Variants in ADGRV1 observed in about 807,000 individuals in gnomAD.
ADGRV1 encodes G-protein coupled receptor 98.
A neutral mutation model predicts 596.2 loss-of-function variants in ADGRV1; 359 were observed. That is an observed-to-expected ratio of 0.60 (90% confidence interval 0.55 to 0.66). ADGRV1 has a LOEUF of 0.66. Ranked by LOEUF, ADGRV1 falls within the 30% of genes least tolerant of loss-of-function variation. The pLI is 0.00. For missense variants in ADGRV1, 7,274 were observed against 7,575.6 expected, an observed-to-expected ratio of 0.96 and a Z score of 1.48; for synonymous variants, 2,681 against 2,679.2, an observed-to-expected ratio of 1.00 and a Z score of -0.02.
chr5:90,989,895 C>T (rs1780823395), intron 85 of ADGRV1, among the ~76,000 whole-genome samples: 1 of 152,194 alleles, frequency 6.6e-6, no homozygotes, highest in Admixed American at 6.5e-5. Context: ...CAGCTCACTG[C>T]AACCTCCGCC....
chr5:91,132,247 A>G (rs1248199994), intron 87 of ADGRV1, among the ~76,000 whole-genome samples: 1 of 152,162 alleles, frequency 6.6e-6, no homozygotes, highest in Non-Finnish European at 1.5e-5. Flanking sequence ...ATTTATTTTA[A>G]CTATTTATAT....
At chr5:90,644,062 C>A (rs1384152618) in intron 14 of ADGRV1, 79 bp downstream of exon 14, 1 of 973,776 alleles carries the variant, frequency 1.0e-6, no homozygotes, top group African/African-American at 1.7e-5. Context: ...TCTTTAGTAA[C>A]TAGTTATTTC....
chr5:90,997,892 T>C (rs1309139534), intron 85 of ADGRV1, among the ~76,000 whole-genome samples: 1 of 152,138 alleles, frequency 6.6e-6, no homozygotes, highest in African/African-American at 2.4e-5. Flanking sequence ...GGAAAATGCA[T>C]GTACAGTACC....
intron 83 of ADGRV1, among the ~76,000 whole-genome samples, chr5:90,950,086 C>A (rs1776931092): frequency 6.6e-6 from 1 of 152,104 alleles, no homozygotes; most frequent in Non-Finnish European, 1.5e-5. Flanking sequence ...GTACCCATTT[C>A]AATGAAAAAT....
intron 83 of ADGRV1, among the ~76,000 whole-genome samples, chr5:90,958,168 C>G (rs1371789512): frequency 6.6e-6 from 1 of 150,586 alleles, no homozygotes. Flanking sequence ...CTGTAGTCCC[C>G]AGCTACTTCT....
chr5:90,636,014 C>G (rs1766152308), intron 10 of ADGRV1, among the ~76,000 whole-genome samples: 1 of 151,514 alleles, frequency 6.6e-6, no homozygotes, highest in South Asian at 2.1e-4. Flanking sequence ...CAGGTTGGGC[C>G]TTATGCTTGA....
intron 1 of ADGRV1, among the ~76,000 whole-genome samples, chr5:90,611,844 A>C (rs1398713610): frequency 4.6e-5 from 7 of 151,932 alleles, no homozygotes; most frequent in African/African-American, 4.8e-5. Flanking sequence ...AGTGTGATAG[A>C]GGAAAGTGTA....
intron 1 of ADGRV1, among the ~76,000 whole-genome samples, chr5:90,605,492 T>C (rs1762006793): frequency 6.6e-6 from 1 of 152,156 alleles, no homozygotes; most frequent in South Asian, 2.1e-4. Context: ...GTTTCTGTTA[T>C]GTAAAATGTT....
intron 85 of ADGRV1, among the ~76,000 whole-genome samples, chr5:91,007,351 G>A (rs1211544322): frequency 6.6e-6 from 1 of 152,076 alleles, no homozygotes; most frequent in African/African-American, 2.4e-5. Context: ...TACTCATAGT[G>A]TAGCCTTCAG....
intron 83 of ADGRV1, among the ~76,000 whole-genome samples, chr5:90,941,624 C>G (rs1189811103): frequency 6.6e-6 from 1 of 152,192 alleles, no homozygotes; most frequent in Non-Finnish European, 1.5e-5. Context: ...GGAGACAAAA[C>G]TGGGAGAAAT....
chr5:90,774,156 A>G lies in ADGRV1; in HGVS notation c.12286-30A>G. 3 of 1,317,186 alleles carry G rather than the reference A, an allele frequency of 2.3e-6. 1 individual carries two copies. The South Asian group carries it at 4.1e-5, about 18-fold the overall frequency. 81.6% of individuals were successfully genotyped at this position (1,317,186 alleles called of 1,614,324 possible). A position where few individuals can be genotyped will look rare whatever the true frequency, so the allele number is the denominator to read the frequency against. ...CAAACTTTGGCTTTGGTCAATCTGGAAAATGCACTGTTTCTGTCATTGGAT... is the reference window on the plus strand; with the variant it reads ...CAAACTTTGGCTTTGGTCAATCTGGGAAATGCACTGTTTCTGTCATTGGAT... On this transcript the variant is annotated intron_variant, in intron 59 of 89. Transcript: ENST00000405460.
chr5:90,792,140 G>A (rs1237011689), intron 70 of ADGRV1: 4 of 152,158 alleles, frequency 2.6e-5, no homozygotes, highest in Admixed American at 1.3e-4. Context: ...AAACTTGCAG[G>A]GTGAATTATG....
At chr5:90,601,264 C>A (rs759260071) in intron 1 of ADGRV1, among the ~76,000 whole-genome samples, 1 of 150,708 alleles carries the variant, frequency 6.6e-6, no homozygotes, top group Non-Finnish European at 1.5e-5. Flanking sequence ...CAAGGGAAAA[C>A]GAATTCTTGT....
chr5:91,142,595 C>T (rs371438524), intron 87 of ADGRV1, among the ~76,000 whole-genome samples: 2 of 152,160 alleles, frequency 1.3e-5, no homozygotes, highest in Admixed American at 6.5e-5. Flanking sequence ...CTTCTTCCCA[C>T]CCCACCCCAC....
chr5:90,588,948 A>G (rs146985106), intron 1 of ADGRV1, among the ~76,000 whole-genome samples: 1 of 152,360 alleles, frequency 6.6e-6, no homozygotes, highest in East Asian at 1.9e-4. Flanking sequence ...TTTGCAACTT[A>G]GATGGAAATC....
intron 79 of ADGRV1, among the ~76,000 whole-genome samples, chr5:90,851,431 A>T (rs1766516949): frequency 6.6e-6 from 1 of 152,144 alleles, no homozygotes; most frequent in Non-Finnish European, 1.5e-5. Flanking sequence ...AGCCCTAAAG[A>T]TGCTGAACAT....
Position 90,811,183 on chromosome 5 carries a change from GA to G in ADGRV1, c.15924del (p.Glu5309AsnfsTer60), listed in dbSNP as rs1762409091. On this transcript the variant is annotated frameshift_variant, in exon 74 of 90. Coordinates refer to ENST00000405460, the MANE Select transcript of ADGRV1 (RefSeq NM_032119.4). LOFTEE classifies it high-confidence loss of function. The stretch of plus-strand genomic sequence containing the variant: ...ACCCTTATATTCCTAGATGGAGAAA[GA>G]GAACGTAAAGTATCAGTTCAAATTT... ...TLTLIFLDGE[R>X]ERKVSVQILD... 6.2e-7 allele frequency: 1 copy of G among 1,613,730 alleles called. No individual in the cohort carries two copies. The highest frequency in any genetic ancestry group is 8.5e-7 in the Non-Finnish European group (1 of 1,179,752).
chr5:90,918,274 G>A (rs935441544), intron 83 of ADGRV1, among the ~76,000 whole-genome samples: 14 of 152,094 alleles, frequency 9.2e-5, no homozygotes, highest in African/African-American at 3.1e-4. Flanking sequence ...TGACTTTCAG[G>A]AAGCCTGCAA....
chr5:91,056,493 G>A (rs373790896), intron 85 of ADGRV1, among the ~76,000 whole-genome samples: 2 of 152,058 alleles, frequency 1.3e-5, no homozygotes, highest in African/African-American at 2.4e-5. Context: ...ACGAGAAGAT[G>A]ACACTTCAAA....
Sources: allele counts gnomAD v4.1 joint callset (sites outside exome capture counted in the v4.1 genomes callset), GRCh38; gene constraint gnomAD v4.1.1; transcripts MANE v1.5; gene names NCBI Gene and HGNC (gene_info 2026-07-23, HGNC 2026-07-21).